LRIG3: variants seen among roughly 807,000 people sequenced by gnomAD.
The protein encoded by LRIG3 is leucine-rich repeats and immunoglobulin-like domains protein 3.
Under a neutral mutation model 114.5 loss-of-function variants are expected in LRIG3, and 76 were observed. The observed-to-expected ratio is 0.66, with a 90% CI of 0.55 to 0.80. The LOEUF (loss-of-function observed/expected upper bound fraction) is 0.80, where lower values mean the gene tolerates loss of function less well. Among genes scored for constraint, LRIG3 ranks in the 30% least tolerant of loss-of-function variants. LRIG3 has a pLI of 0.00. For missense variants in LRIG3, 1,239 were observed against 1,382.8 expected, an observed-to-expected ratio of 0.90 and a Z score of 1.65; for synonymous variants, 512 against 519.8, an observed-to-expected ratio of 0.98 and a Z score of 0.20.
At chr12:58,892,084 T>C (rs927971201) in intron 3 of LRIG3, among the ~76,000 whole-genome samples, 2 of 151,224 alleles carry the variant, frequency 1.3e-5, no homozygotes, top group African/African-American at 4.9e-5. Context: ...TCAAAAGTCA[T>C]CAATCAATAT....
At chr12:58,892,448 C>T (rs1871487478) in intron 3 of LRIG3, among the ~76,000 whole-genome samples, 1 of 152,204 alleles carries the variant, frequency 6.6e-6, no homozygotes, top group African/African-American at 2.4e-5. Context: ...AACTGGATTT[C>T]TACAGTGTTC....
At chr12:58,890,207 G>T in intron 4 of LRIG3, 68 bp from the exon 5 acceptor site, 1 of 1,522,298 alleles carries the variant, frequency 6.6e-7, no homozygotes, top group Non-Finnish European at 9.0e-7. Context: ...GGCCATCTCT[G>T]TATTAGAAGG....
chr12:58,896,757 A>G (rs1317444012), intron 3 of LRIG3, among the ~76,000 whole-genome samples: 1 of 152,230 alleles, frequency 6.6e-6, no homozygotes, highest in Admixed American at 6.5e-5. Flanking sequence ...TGCAACTAAC[A>G]AATTGCTGAA....
At chr12:58,918,604 C>A (rs1439372951) in intron 1 of LRIG3, among the ~76,000 whole-genome samples, 1 of 152,168 alleles carries the variant, frequency 6.6e-6, no homozygotes, top group Non-Finnish European at 1.5e-5. Flanking sequence ...GTGTTCACCT[C>A]CAGTCATTTA....
At chr12:58,919,725 A>G (rs1040526490) in intron 1 of LRIG3, among the ~76,000 whole-genome samples, 3 of 152,058 alleles carry the variant, frequency 2.0e-5, no homozygotes, top group Non-Finnish European at 2.9e-5. Flanking sequence ...TTCATCCCCA[A>G]TCTCTGGCGT....
chr12:58,913,069 C>T (rs1872345180), intron 3 of LRIG3, among the ~76,000 whole-genome samples: 1 of 152,146 alleles, frequency 6.6e-6, no homozygotes, highest in Admixed American at 6.5e-5. Flanking sequence ...CTATAAATCA[C>T]CAGATGTAAG....
Position 58,878,991 on chromosome 12 carries a change from T to A in LRIG3, c.1916A>T (p.Asp639Val). ...TGCAGCTGGGAAGTCTGTGCCCCCA[T>A]CCTTCTGCCAGGCTATCTGGGGGGC... ...HPAPQIAWQK[D>V]GGTDFPAARE... Residue 639 changes from aspartate to valine, a missense_variant, in exon 14 of 19, where the codon GAT (aspartate) becomes GTT (valine). Transcript: ENST00000320743. The A allele has an allele frequency of 6.2e-7, 1 of 1,614,150 alleles. No homozygotes were observed. Among genetic ancestry groups the A allele is most frequent in the Non-Finnish European group, 8.5e-7 (1 of 1,180,016 alleles).
intron 5 of LRIG3, among the ~76,000 whole-genome samples, chr12:58,889,382 G>T (rs1871377075): frequency 6.6e-6 from 1 of 152,242 alleles, no homozygotes; most frequent in East Asian, 1.9e-4. Flanking sequence ...TTCTTTTTAG[G>T]TTTAATGCTT....
In LRIG3 at chr12:58,887,934, T is replaced by G; in HGVS notation, c.948-2A>C. On this transcript the variant is annotated splice_acceptor_variant, in intron 7 of 18. Transcript: ENST00000320743. LOFTEE classifies it high-confidence loss of function. ...GATAAGTGATTGAAAGTTAGGTCCC[T>G]GTAAAGAAAAAAGAGAAAAGCAATA... is the stretch of plus-strand genomic sequence containing the variant. 1 of 1,602,174 alleles carries G rather than the reference T, an allele frequency of 6.2e-7. No homozygotes were observed. Among genetic ancestry groups the G allele is most frequent in the Non-Finnish European group, 8.5e-7 (1 of 1,176,258 alleles).
chr12:58,880,386 C>T (rs779986967), intron 13 of LRIG3, 195 bp downstream of exon 13: 48 of 705,308 alleles, frequency 6.8e-5, no homozygotes, highest in Non-Finnish European at 1.1e-4. Flanking sequence ...AGTACGGTGT[C>T]GTCTTCAACA....
chr12:58,920,138 C>G lies in LRIG3; in HGVS notation c.98G>C (p.Gly33Ala). ...RAGRSDSGGR[G>A]ELGQPSGVAA... ...TACCCCAGAGGGCTGCCCGAGTTCCCCGCGACCGCCGCTGTCTGACCGGCC... is the reference window on the plus strand; with the variant it reads ...TACCCCAGAGGGCTGCCCGAGTTCCGCGCGACCGCCGCTGTCTGACCGGCC... Residue 33 changes from glycine to alanine, a missense_variant, in exon 1 of 19, where the codon GGG (glycine) becomes GCG (alanine). Transcript: ENST00000320743. 6.5e-7 allele frequency: 1 copy of G among 1,544,044 alleles called. No individual in the cohort carries two copies. Among genetic ancestry groups the G allele is most frequent in the Non-Finnish European group, 8.7e-7 (1 of 1,146,360 alleles).
At chr12:58,917,285 G>A (rs536840086) in intron 1 of LRIG3, among the ~76,000 whole-genome samples, 25 of 152,198 alleles carry the variant, frequency 1.6e-4, no homozygotes, top group Admixed American at 9.2e-4. Context: ...ATGCCAGTGA[G>A]AATTTAATAA....
At chr12:58,895,037 A>G (rs893367765) in intron 3 of LRIG3, among the ~76,000 whole-genome samples, 5 of 152,184 alleles carry the variant, frequency 3.3e-5, no homozygotes, top group Non-Finnish European at 2.9e-5. Flanking sequence ...TTTTGGCCTC[A>G]GCTTCTCGGG....
intron 6 of LRIG3, 37 bp from the exon 7 acceptor site, chr12:58,888,509 C>T: frequency 1.2e-6 from 2 of 1,606,828 alleles, no homozygotes; most frequent in Non-Finnish European, 1.7e-6. Flanking sequence ...AGGATCAAAA[C>T]TTCATTATCT....
intron 5 of LRIG3, 135 bp from the exon 6 acceptor site, chr12:58,889,097 T>C: frequency 1.2e-6 from 1 of 844,638 alleles, no homozygotes; most frequent in Admixed American, 2.8e-5. Context: ...TCTAAACATT[T>C]TTATTGCAAA....
intron 3 of LRIG3, among the ~76,000 whole-genome samples, chr12:58,897,764 A>C (rs1005558414): frequency 4.6e-5 from 7 of 152,246 alleles, no homozygotes; most frequent in Admixed American, 2.0e-4. Context: ...AAAATATTTA[A>C]TCTGAAGTAA....
chr12:58,903,742 A>G (rs1240611337), intron 3 of LRIG3, among the ~76,000 whole-genome samples: 10 of 151,828 alleles, frequency 6.6e-5, no homozygotes, highest in Non-Finnish European at 8.8e-5. Flanking sequence ...TAATTTTTGT[A>G]TAAGGTGTAA....
intron 18 of LRIG3, 200 bp downstream of exon 18, chr12:58,873,855 A>G: frequency 1.6e-6 from 1 of 630,628 alleles, no homozygotes; most frequent in South Asian, 1.9e-5. Flanking sequence ...GCTTAGTTAT[A>G]GATTAAACAC....
Position 58,874,535 on chromosome 12 carries a change from CCA to C in LRIG3, c.2732_2733del (p.Val911GlyfsTer31). On this transcript the variant is annotated frameshift_variant, in exon 17 of 19. Coordinates refer to ENST00000320743, the MANE Select transcript of LRIG3 (RefSeq NM_153377.5). LOFTEE classifies it high-confidence loss of function. ...CHIDNSSEAD[V>X]EAATDLFLCP... is the part of the protein sequence containing the mutation. ...CAAAGGAACAGATCTGTGGCAGCTT[CCA>C]CATCAGCTTCACTGCTATTGTCAAT... is the stretch of plus-strand genomic sequence containing the variant. The C allele has an allele frequency of 6.2e-7, 1 of 1,614,200 alleles. No homozygotes were observed.
Sources: gnomAD v4.1 joint callset for allele counts (sites outside exome capture counted in the v4.1 genomes callset) on GRCh38, gnomAD v4.1.1 for gene constraint, MANE v1.5 for transcripts, NCBI Gene and HGNC (gene_info 2026-07-23, HGNC 2026-07-21) for gene names.